IDUA: variants seen among roughly 807,000 people sequenced by gnomAD.
The protein encoded by IDUA is alpha-L-iduronidase.
In IDUA, 65 loss-of-function variants were observed where a neutral mutation model predicts 68.9. The observed-to-expected ratio is 0.94, with a 90% CI of 0.77 to 1.16. The LOEUF (loss-of-function observed/expected upper bound fraction) is 1.16, where lower values mean the gene tolerates loss of function less well. IDUA is among the 50% of genes most tolerant of loss of function. IDUA has a pLI of 0.00. For synonymous variants in IDUA, 529 were observed against 433.6 expected (o/e 1.22, Z -2.73); for missense variants, 1,046 against 938.0 (o/e 1.12, Z -1.50).
At chr4:992,225 C>T (rs1383923391) in intron 2 of IDUA, 1 of 457,808 alleles carries the variant, frequency 2.2e-6, no homozygotes, top group Non-Finnish European at 4.4e-6. Flanking sequence ...CTCCCTGGCT[C>T]CCCAGGTTGG....
intron 1 of IDUA, 38 bp downstream of exon 1, chr4:987,280 C>T (rs1560532068): frequency 1.3e-6 from 2 of 1,503,796 alleles, no homozygotes; most frequent in Non-Finnish European, 1.8e-6. Context: ...CCTGGCCGCA[C>T]GGGGAGAGCT....
chr4:999,212 A>G (rs891180895), intron 2 of IDUA, among the ~76,000 whole-genome samples: 1 of 151,880 alleles, frequency 6.6e-6, no homozygotes, highest in Non-Finnish European at 1.5e-5. Flanking sequence ...CTCAAAAAAA[A>G]AAAAAAGAAA....
rs375487522 is a variant in IDUA, at chr4:989,419, C to T, written c.299+1470C>T. The T allele has an allele frequency of 1.3e-4, 195 of 1,556,874 alleles. 1 individual carries two copies. The highest frequency in any genetic ancestry group is 2.4e-4 in the East Asian group (10 of 41,398). The stretch of plus-strand genomic sequence containing the variant: ...GCGGGCCAGCAGGGCGGTGCGTGGG[C>T]GTTGGGTGCGGCCGGCCAGGCTGAG... On this transcript the variant is annotated intron_variant, in intron 2 of 13. Coordinates refer to ENST00000514224, the MANE Select transcript of IDUA (RefSeq NM_000203.5).
chr4:991,422 G>T (rs369638599), intron 2 of IDUA: 24 of 1,612,716 alleles, frequency 1.5e-5, no homozygotes, highest in Non-Finnish European at 1.9e-5. Flanking sequence ...GCTGCAGCCC[G>T]GCCAGCAATG....
rs199722340 is a variant in IDUA at position 1,003,402 on chromosome 4, C to G, written c.1582C>G (p.Pro528Ala). 2,347 of 1,525,012 alleles carry G rather than the reference C, an allele frequency of 1.5e-3. 39 individuals carry two copies. In the African/African-American group the frequency reaches 0.028, roughly 18 times the overall value. The allele number at this position is 1,525,012 out of a possible 1,614,324, so 94.5% of individuals were successfully genotyped here. ...LPAGGRLTLRPALRLPSLLLV... is the reference protein window; with the variant it reads ...LPAGGRLTLRAALRLPSLLLV... Reference sequence around the variant, plus strand: ...CGCCGGCGGCCGCCTGACCCTGCGCCCCGCGCTGCGGCTGCCGTCGCTTTT... The same window carrying G: ...CGCCGGCGGCCGCCTGACCCTGCGCGCCGCGCTGCGGCTGCCGTCGCTTTT... Residue 528 changes from proline (P) to alanine (A), a missense_variant, in exon 11 of 14, where the codon CCC becomes GCC. Transcript: ENST00000514224.
At chr4:1,001,038 G>A (rs1485070442) in intron 4 of IDUA, 49 bp downstream of exon 4, 1 of 1,348,304 alleles carries the variant, frequency 7.4e-7, no homozygotes, top group Non-Finnish European at 1.1e-6. Context: ...GGGTACTCCT[G>A]GGCAGGTTGC....
rs76493568 is a variant in IDUA at position 990,625 on chromosome 4, G to A, written c.299+2676G>A. On this transcript the variant is annotated intron_variant, in intron 2 of 13. Transcript: ENST00000514224. ...CATAGACACGTCTAACCCTTGTCAC[G>A]TGCAGCAGCCCGTTTTATTTCAGAA... 0.033 allele frequency: 16,535 copies of A among 505,156 alleles called. 386 individuals carry two copies. Among genetic ancestry groups the A allele is most frequent in the Non-Finnish European group, 0.038 (10,944 of 286,598 alleles). 31.3% of individuals were successfully genotyped at this position (505,156 alleles called of 1,614,324 possible). A position where few individuals can be genotyped will look rare whatever the true frequency, so the allele number is the denominator to read the frequency against.
At position 1,001,670 on chromosome 4, in the gene IDUA, C is replaced by CGG; in HGVS notation, c.590-9_590-8insGG. 1 of 1,602,788 alleles carries CGG rather than the reference C, an allele frequency of 6.2e-7. No individual in the cohort carries two copies. The highest frequency in any genetic ancestry group is 2.2e-5 in the East Asian group (1 of 44,752). On this transcript the variant is annotated splice_polypyrimidine_tract_variant and intron_variant, in intron 5 of 13. Coordinates refer to ENST00000514224, the MANE Select transcript of IDUA (RefSeq NM_000203.5). ...GGGCAGGTGTAGACGCAGTGCTCCC[C>CGG]CGGCCCAGGCTTCCTGAACTACTAC...
At chr4:988,258 T>C (rs1218803966) in intron 2 of IDUA, 11 of 1,241,486 alleles carry the variant, frequency 8.9e-6, no homozygotes, top group Non-Finnish European at 1.0e-5. Context: ...GTAGGGCCAC[T>C]GCACCTGAGG....
rs751132616 is a variant in IDUA at position 1,004,380 on chromosome 4, C to T, written c.1949C>T (p.Pro650Leu). ...CCTGTGCCAAGAGGGCCCCCATCCC[C>T]GGGCAATCCATGAGCCTGTGCTGAG... The part of the protein sequence containing the change: ...EVPVPRGPPS[P>L]GNP The change falls in exon 14 of 14, where the codon CCG (proline) becomes CTG (leucine). Residue 650 changes from proline (P) to leucine (L), a missense_variant. Physicochemically the swap from Pro to Leu is moderately conservative, Grantham distance 98. Coordinates refer to ENST00000514224, the MANE Select transcript of IDUA (RefSeq NM_000203.5). This position sits in a 1 kb window ranked among gnomAD's most constrained non-coding sequence, Gnocchi z 5.0. 28 of 1,610,732 alleles carry T rather than the reference C, an allele frequency of 1.7e-5. No homozygotes were observed. In the East Asian group the frequency reaches 2.0e-4, roughly 12 times the overall value.
chr4:1,002,759 C>G lies in IDUA; in HGVS notation c.1217C>G (p.Ser406Trp), dbSNP rs1275815013. The G allele has an allele frequency of 1.1e-5, 16 of 1,483,250 alleles. No homozygotes were observed. The highest frequency in any genetic ancestry group is 1.4e-5 in the Non-Finnish European group (16 of 1,123,152). The allele number at this position is 1,483,250 out of a possible 1,614,324, so 91.9% of individuals were successfully genotyped here. The change falls in exon 9 of 14, where the codon TCG becomes TGG. Residue 406 changes from serine (S) to tryptophan (W), a missense_variant. Physicochemically the swap from Ser to Trp is radical, Grantham distance 177. Transcript: ENST00000514224. ...LDEEQLWAEV[S>W]QAGTVLDSNH... ...GAGGAGCAGCTCTGGGCCGAAGTGT[C>G]GCAGGCCGGGACCGTCCTGGACAGC...
chr4:1,004,529 A>G lies in IDUA; in HGVS notation c.*136A>G. The G allele has an allele frequency of 2.2e-6, 2 of 915,152 alleles. No homozygotes were observed. 56.7% of individuals were successfully genotyped at this position (915,152 alleles called of 1,614,324 possible). A position where few individuals can be genotyped will look rare whatever the true frequency, so the allele number is the denominator to read the frequency against. ...TTATTATTTTCTTTTATATCTTGGT[A>G]CCAACGCCCCCTTTAAAGCGGCTTT... On this transcript the variant is annotated 3_prime_UTR_variant, in exon 14 of 14. Coordinates refer to ENST00000514224, the MANE Select transcript of IDUA (RefSeq NM_000203.5). The surrounding 1 kb of genome is among the most constrained non-coding windows in gnomAD (Gnocchi z 5.0).
At chr4:989,329 A>G in intron 2 of IDUA, 1 of 1,608,452 alleles carries the variant, frequency 6.2e-7, no homozygotes, top group South Asian at 1.1e-5. Context: ...GAACACCCGC[A>G]CGCCGGGCTC....
chr4:1,001,510 C>T lies in IDUA; in HGVS notation c.536C>T (p.Thr179Met), dbSNP rs776098539. 54 of 1,613,092 alleles carry T rather than the reference C, an allele frequency of 3.3e-5. No homozygotes were observed. Among genetic ancestry groups the T allele is most frequent in the Non-Finnish European group, 2.6e-5 (31 of 1,179,960 alleles). ...CATGTTTCCAAGTGGAACTTCGAGA[C>T]GTGGAATGAGCCAGACCACCACGAC... is the stretch of plus-strand genomic sequence containing the variant. ...LAHVSKWNFE[T>M]WNEPDHHDFD... The change falls in exon 5 of 14, where the codon ACG becomes ATG. Residue 179 changes from threonine (T) to methionine (M), a missense_variant. Thr to Met is a moderately conservative substitution (Grantham distance 81, BLOSUM62 -1). Coordinates refer to ENST00000514224, the MANE Select transcript of IDUA (RefSeq NM_000203.5).
rs148386572 is a variant in IDUA, at chr4:989,896, A to G, written c.299+1947A>G. 2.7e-3 allele frequency: 4,212 copies of G among 1,566,848 alleles called. 12 individuals are homozygous for G. Among genetic ancestry groups the G allele is most frequent in the Non-Finnish European group, 3.3e-3 (3,844 of 1,156,692 alleles). ...GGAGAAGGCGGCAGCCACGAGGGCCAGGGCCACGGCATCCAAAGCCACACG... is the reference window on the plus strand; with the variant it reads ...GGAGAAGGCGGCAGCCACGAGGGCCGGGGCCACGGCATCCAAAGCCACACG... On this transcript the variant is annotated intron_variant, in intron 2 of 13. Transcript: ENST00000514224.
rs371738826 is a variant in IDUA, at chr4:989,354, C to T, written c.299+1405C>T. On this transcript the variant is annotated intron_variant, in intron 2 of 13. Coordinates refer to ENST00000514224, the MANE Select transcript of IDUA (RefSeq NM_000203.5). ...ACGCCGGGCTCAGGGACGAGGCCCT[C>T]GAACTCTGTGGCATCCTCGTAGAAG... 1.6e-4 allele frequency: 249 copies of T among 1,596,520 alleles called. No individual in the cohort carries two copies. The highest frequency in any genetic ancestry group is 6.6e-4 in the Middle Eastern group (4 of 6,042).
intron 4 of IDUA, 86 bp from the exon 5 acceptor site, chr4:1,001,382 C>T (rs1577538719): frequency 9.9e-6 from 11 of 1,106,720 alleles, no homozygotes; most frequent in Non-Finnish European, 1.5e-5. Context: ...GAGTCAGACG[C>T]CCTTCATCAC....
chr4:1,003,204 C>CG (rs1326054654), intron 10 of IDUA, 47 bp downstream of exon 10: 28 of 443,946 alleles, frequency 6.3e-5, no homozygotes, highest in African/African-American at 1.7e-4. Flanking sequence ...GCCGGGGTCC[C>CG]GGGGGGGTGG....
chr4:1,004,439 G>A lies in IDUA; in HGVS notation c.*46G>A, dbSNP rs762417195. 15 of 1,601,456 alleles carry A rather than the reference G, an allele frequency of 9.4e-6. No individual in the cohort carries two copies. The highest frequency in any genetic ancestry group is 2.2e-4 in the Middle Eastern group (1 of 4,538). On this transcript the variant is annotated 3_prime_UTR_variant, in exon 14 of 14. Coordinates refer to ENST00000514224, the MANE Select transcript of IDUA (RefSeq NM_000203.5). The surrounding 1 kb of genome is among the most constrained non-coding windows in gnomAD (Gnocchi z 5.0). ...GGTTGCACCTCCACCGGCAGTCAGC[G>A]AGCTGGGGCTGCACTGTGCCCATGC...
Sources: gnomAD v4.1 joint callset for allele counts (sites outside exome capture counted in the v4.1 genomes callset) on GRCh38, gnomAD v4.1.1 for gene constraint, Gnocchi (gnomAD v3.1) non-coding constraint, MANE v1.5 for transcripts, NCBI Gene and HGNC (gene_info 2026-07-23, HGNC 2026-07-21) for gene names.